The following NFKBIZ variants were observed in gnomAD, a reference collection of about 807,000 sequenced individuals.
The protein encoded by NFKBIZ is NF-kappa-B inhibitor zeta.
Under a neutral mutation model 76.8 loss-of-function variants are expected in NFKBIZ, and 19 were observed. The observed-to-expected ratio is 0.25, with a 90% CI of 0.17 to 0.36. The LOEUF (loss-of-function observed/expected upper bound fraction) is 0.36, where lower values mean the gene tolerates loss of function less well. NFKBIZ is among the 10% of genes least tolerant of loss of function. The pLI is 1.00. For synonymous variants in NFKBIZ, 368 were observed against 354.8 expected (o/e 1.04, Z -0.42); for missense variants, 829 against 910.9 (o/e 0.91, Z 1.16).
chr3:101,849,664 C>T lies in NFKBIZ; in HGVS notation c.36C>T (p.Gly12=). 1 of 1,400,800 alleles carries T rather than the reference C, an allele frequency of 7.1e-7. No individual in the cohort carries two copies. Among genetic ancestry groups the T allele is most frequent in the Middle Eastern group, 1.9e-4 (1 of 5,166 alleles). The allele number at this position is 1,400,800 out of a possible 1,614,324, so 86.8% of individuals were successfully genotyped here. Residue 12 remains glycine, a synonymous_variant, in exon 1 of 12, where the codon GGC becomes GGT. Coordinates refer to ENST00000326172, the MANE Select transcript of NFKBIZ (RefSeq NM_031419.4). ...ACAAGCTGCTGGACGACAGCCGCGG[C>T]GGAGAGGGGCTGCGGGACGCGGCGG... ...IVDKLLDDSR[G]GEGLRDAAGG...
At chr3:101,856,023 T>A in intron 9 of NFKBIZ, 121 bp downstream of exon 9, 1 of 906,136 alleles carries the variant, frequency 1.1e-6, no homozygotes, top group Non-Finnish European at 1.6e-6. Context: ...ATGGTGTGAG[T>A]AGCAATGTAT....
chr3:101,836,778 G>A (rs1371963785), intron 2 of NFKBIZ, among the ~76,000 whole-genome samples: 1 of 152,120 alleles, frequency 6.6e-6, no homozygotes, highest in Non-Finnish European at 1.5e-5. Context: ...ACTTGGGTTT[G>A]TTTCTGTGTT....
At position 101,858,026 on chromosome 3, in the gene NFKBIZ, GTT is replaced by G. The variant is rs1663200154; in HGVS notation, c.2103+568_2103+569del. On this transcript the variant is annotated intron_variant, in intron 11 of 11. Transcript: ENST00000326172. ...TTTAATGCTTTACTCATCAAATATG[GTT>G]ATATATTATCATTGAGTATTGAATA... is the stretch of plus-strand genomic sequence containing the variant. 9.5e-6 allele frequency: 8 copies of G among 842,844 alleles called. No individual in the cohort carries two copies. In the African/African-American group the frequency reaches 1.5e-4, roughly 15 times the overall value. 52.2% of individuals were successfully genotyped at this position (842,844 alleles called of 1,614,324 possible).
upstream of NFKBIZ, among the ~76,000 whole-genome samples, chr3:101,844,657 A>C (rs567559036): frequency 6.6e-6 from 1 of 152,390 alleles, no homozygotes; most frequent in South Asian, 2.1e-4. Flanking sequence ...CAGACAGTCC[A>C]TAGATCTATC....
chr3:101,831,067 A>G (rs974282815), intron 2 of NFKBIZ, among the ~76,000 whole-genome samples: 7 of 152,210 alleles, frequency 4.6e-5, no homozygotes, highest in East Asian at 1.9e-4. Context: ...ACTTTTGGAT[A>G]TGTTTTAGCA....
At chr3:101,836,204 C>G (rs1055927596) in intron 2 of NFKBIZ, among the ~76,000 whole-genome samples, 1 of 152,102 alleles carries the variant, frequency 6.6e-6, no homozygotes, top group Non-Finnish European at 1.5e-5. Context: ...AAGGTCAGAG[C>G]TAGTAATAGG....
At chr3:101,839,829 T>C (rs1316167286) in intron 2 of NFKBIZ, among the ~76,000 whole-genome samples, 3 of 152,210 alleles carry the variant, frequency 2.0e-5, no homozygotes, top group African/African-American at 7.2e-5. Context: ...TATCATTTAT[T>C]TGTAGTACAA....
At position 101,849,842 on chromosome 3, in the gene NFKBIZ, T is replaced by C; in HGVS notation, c.214T>C (p.Ser72Pro). Residue 72 changes from serine to proline, a missense_variant, in exon 1 of 12, where the codon TCT becomes CCT. Physicochemically the swap from Ser to Pro is moderately conservative, Grantham distance 74. This residue lies in a region of NFKBIZ where 181 missense variants were observed against 175.3 expected (regional missense o/e 1.03). Transcript: ENST00000326172. ...CGGCTCCGACTCCTCCGACTTCTCCTCTGCCTCGTCGGTGTCCTCCTGCGG... is the reference window on the plus strand; with the variant it reads ...CGGCTCCGACTCCTCCGACTTCTCCCCTGCCTCGTCGGTGTCCTCCTGCGG... ...SPGSDSSDFS[S>P]ASSVSSCGAV... 6.8e-7 allele frequency: 1 copy of C among 1,472,528 alleles called. No individual in the cohort carries two copies. Among genetic ancestry groups the C allele is most frequent in the Non-Finnish European group, 8.9e-7 (1 of 1,119,502 alleles). The allele number at this position is 1,472,528 out of a possible 1,614,324, so 91.2% of individuals were successfully genotyped here.
In NFKBIZ at chr3:101,849,772, C is replaced by T. The variant is rs1942918919; in HGVS notation, c.144C>T (p.Cys48=). ...ASPPAAAPGA[C]DASCSVLGPS... ...CGCCCGCCGCCGCCCCGGGCGCCTG[C>T]GACGCCAGCTGCTCGGTCTTGGGCC... is the stretch of plus-strand genomic sequence containing the variant. Residue 48 remains cysteine (C), a synonymous_variant, in exon 1 of 12, where the codon TGC becomes TGT. Transcript: ENST00000326172. 1 of 1,454,844 alleles carries T rather than the reference C, an allele frequency of 6.9e-7. No homozygotes were observed. The highest frequency in any genetic ancestry group is 2.6e-5 in the Admixed American group (1 of 38,660). The allele number at this position is 1,454,844 out of a possible 1,614,324, so 90.1% of individuals were successfully genotyped here. A position where few individuals can be genotyped will look rare whatever the true frequency, so the allele number is the denominator to read the frequency against.
At chr3:101,835,615 C>G (rs1942709411) in intron 2 of NFKBIZ, among the ~76,000 whole-genome samples, 1 of 152,144 alleles carries the variant, frequency 6.6e-6, no homozygotes, top group Non-Finnish European at 1.5e-5. Flanking sequence ...CATGGGCATC[C>G]CTGGTGTCTC....
chr3:101,857,242 A>C (rs1302644010), intron 10 of NFKBIZ, 50 bp from the exon 11 acceptor site: 3 of 1,611,616 alleles, frequency 1.9e-6, no homozygotes, highest in Non-Finnish European at 2.5e-6. Context: ...AGCTCCTTTC[A>C]TGAAATTTCC....
intron 2 of NFKBIZ, among the ~76,000 whole-genome samples, chr3:101,838,647 A>G (rs1942752589): frequency 6.6e-6 from 1 of 152,386 alleles, no homozygotes; most frequent in South Asian, 2.1e-4. Flanking sequence ...CCTGGCCTAA[A>G]GTATCCAGAA....
At chr3:101,840,441 G>A (rs771482690) in intron 2 of NFKBIZ, among the ~76,000 whole-genome samples, 4 of 152,156 alleles carry the variant, frequency 2.6e-5, no homozygotes, top group Non-Finnish European at 5.9e-5. Flanking sequence ...TGGTACACAG[G>A]TAGCCCTTCA....
upstream of NFKBIZ, among the ~76,000 whole-genome samples, chr3:101,847,956 C>T (rs1213042574): frequency 6.6e-6 from 1 of 152,238 alleles, no homozygotes; most frequent in Non-Finnish European, 1.5e-5. Context: ...CAAGCCATGG[C>T]CTGACTGGGG....
Position 101,849,596 on chromosome 3 carries a change from G to T in NFKBIZ, c.-33G>T. 7.6e-7 allele frequency: 1 copy of T among 1,313,878 alleles called. No individual in the cohort carries two copies. The allele number at this position is 1,313,878 out of a possible 1,614,324, so 81.4% of individuals were successfully genotyped here. A position where few individuals can be genotyped will look rare whatever the true frequency, so the allele number is the denominator to read the frequency against. ...CGCGCGCAGCGAGCCGGTGGCGCAG[G>T]TGTCGGGGTCCTCGAGCGCCCAGCC... On this transcript the variant is annotated 5_prime_UTR_variant, in exon 1 of 12. Transcript: ENST00000326172.
rs948876461 is a variant in NFKBIZ, at chr3:101,853,309, G to C, written c.783G>C (p.Gln261His). 4.3e-6 allele frequency: 7 copies of C among 1,614,142 alleles called. No homozygotes were observed. Among genetic ancestry groups the C allele is most frequent in the Non-Finnish European group, 5.1e-6 (6 of 1,180,028 alleles). Reference protein sequence around the residue: ...AEQCQDFHGGQVFSPPQKCQP... With the variant: ...AEQCQDFHGGHVFSPPQKCQP... ...AGTGTCAGGACTTCCATGGAGGGCA[G>C]GTCTTTTCTCCACCTCAGAAATGCC... The change falls in exon 5 of 12, where the codon CAG becomes CAC. Residue 261 changes from glutamine to histidine, a missense_variant. Physicochemically the swap from Gln to His is conservative, Grantham distance 24 (BLOSUM62 0). Around this residue, in one of 4 missense-constraint regions of NFKBIZ, gnomAD observed 371 missense variants for 332.3 expected, o/e 1.12. Coordinates refer to ENST00000326172, the MANE Select transcript of NFKBIZ (RefSeq NM_031419.4).
At chr3:101,828,255 C>G (rs943637320) in intron 1 of NFKBIZ, 3 of 151,152 alleles carry the variant, frequency 2.0e-5, no homozygotes, top group African/African-American at 7.3e-5. Context: ...TTTTTCTTTC[C>G]TATTCCCATA....
In NFKBIZ at chr3:101,855,081, T is replaced by C; in HGVS notation, c.1463T>C (p.Val488Ala). 6.2e-7 allele frequency: 1 copy of C among 1,609,340 alleles called. No individual in the cohort carries two copies. The highest frequency in any genetic ancestry group is 8.5e-7 in the Non-Finnish European group (1 of 1,178,700). ...HNGQSAFQVA[V>A]AANQHLIVQD... ...CCACAGAGTGCCTTTCAGGTGGCAG[T>C]GGCTGCCAATCAGCATCTCATTGTG... Residue 488 changes from valine to alanine, a missense_variant, in exon 7 of 12, where the codon GTG becomes GCG. This residue lies in a region of NFKBIZ where 272 missense variants were observed against 384.2 expected (regional missense o/e 0.71). Transcript: ENST00000326172.
upstream of NFKBIZ, among the ~76,000 whole-genome samples, chr3:101,847,075 G>T (rs1942861574): frequency 6.6e-6 from 1 of 152,256 alleles, no homozygotes; most frequent in South Asian, 2.1e-4. Context: ...GCCCTCAGTG[G>T]ATTGCAGAAT....
Sources: allele counts gnomAD v4.1 joint callset (sites outside exome capture counted in the v4.1 genomes callset), GRCh38; gene constraint gnomAD v4.1.1; regional missense constraint gnomAD v4.1.1; transcripts MANE v1.5; gene names NCBI Gene and HGNC (gene_info 2026-07-23, HGNC 2026-07-21).